The following SEZ6L variants were observed in gnomAD, a reference collection of about 807,000 sequenced individuals.
SEZ6L encodes seizure related 6 homolog like, also known as seizure 6-like protein.
A neutral mutation model predicts 106.2 loss-of-function variants in SEZ6L; 37 were observed. The observed-to-expected ratio is 0.35, with a 90% confidence interval of 0.27 to 0.46. SEZ6L has a LOEUF of 0.46. SEZ6L is among the 20% of genes least tolerant of loss of function. The pLI, the probability that SEZ6L is intolerant of heterozygous loss-of-function variation, is 1.00. For missense variants in SEZ6L, 1,172 were observed against 1,332.8 expected, an observed-to-expected ratio of 0.88 and a Z score of 1.88; for synonymous variants, 541 against 570.4, an observed-to-expected ratio of 0.95 and a Z score of 0.73.
intron 1 of SEZ6L, among the ~76,000 whole-genome samples, chr22:26,210,267 A>G (rs2145700415): frequency 6.6e-6 from 1 of 152,280 alleles, no homozygotes; most frequent in South Asian, 2.1e-4. Context: ...CAAAGCAACA[A>G]TAAAAGCAAA....
At position 26,313,759 on chromosome 22, in the gene SEZ6L, T is replaced by C; in HGVS notation, c.1877-5T>C. ...TCCGTCTTCTTGCCTGTCTGTCTTT[T>C]ACAGCCATGTGTGGTGGGGAGCTCT... On this transcript the variant is annotated splice_polypyrimidine_tract_variant and splice_region_variant and intron_variant, in intron 8 of 16. Transcript: ENST00000248933. 2 of 1,602,116 alleles carry C rather than the reference T, an allele frequency of 1.2e-6. No homozygotes were observed. Among genetic ancestry groups the C allele is most frequent in the Non-Finnish European group, 1.7e-6 (2 of 1,169,796 alleles).
intron 1 of SEZ6L, among the ~76,000 whole-genome samples, chr22:26,191,545 T>C (rs1173864587): frequency 2.5e-5 from 3 of 121,856 alleles, no homozygotes; most frequent in Admixed American, 2.2e-4. Context: ...TGAGAACACA[T>C]GGACACATGG....
At chr22:26,294,265 T>G (rs1419399266) in intron 2 of SEZ6L, 27 bp from the exon 3 acceptor site, 2 of 1,612,224 alleles carry the variant, frequency 1.2e-6, no homozygotes, top group African/African-American at 2.7e-5. Flanking sequence ...TTGTCTTTGG[T>G]GTCCTAATTA....
At chr22:26,355,743 C>CAGAAAAGAAAAGAAAAGAAA (rs150501916) in intron 12 of SEZ6L, among the ~76,000 whole-genome samples, 9 of 151,930 alleles carry the variant, frequency 5.9e-5, no homozygotes, top group African/African-American at 2.2e-4. Flanking sequence ...AACATAGAAA[C>CAGAAAAGAAAAGAAAAGAAA]AGAAAAGAAA....
intron 1 of SEZ6L, among the ~76,000 whole-genome samples, chr22:26,252,538 C>T (rs1269172694): frequency 6.6e-6 from 1 of 152,142 alleles, no homozygotes; most frequent in Non-Finnish European, 1.5e-5. Flanking sequence ...GAGCATATTA[C>T]CCAATCTTTA....
At chr22:26,193,062 C>T (rs953837070) in intron 1 of SEZ6L, among the ~76,000 whole-genome samples, 2 of 152,150 alleles carry the variant, frequency 1.3e-5, no homozygotes, top group Non-Finnish European at 2.9e-5. Flanking sequence ...AATGTGAAAT[C>T]GCAGATTTAT....
intron 12 of SEZ6L, among the ~76,000 whole-genome samples, chr22:26,363,899 G>C (rs1601620359): frequency 1.3e-5 from 2 of 152,334 alleles, no homozygotes; most frequent in East Asian, 3.9e-4. Context: ...CTAAGAGAAA[G>C]AAGCCAGTCA....
At chr22:26,290,160 A>C (rs1432576246) in intron 1 of SEZ6L, among the ~76,000 whole-genome samples, 1 of 152,212 alleles carries the variant, frequency 6.6e-6, no homozygotes, top group Non-Finnish European at 1.5e-5. Context: ...AATTGGCAGA[A>C]CTGGGTCTTT....
intron 13 of SEZ6L, 116 bp from the exon 14 acceptor site, chr22:26,373,335 C>A: frequency 3.6e-6 from 3 of 831,738 alleles, no homozygotes; most frequent in South Asian, 1.6e-5. Context: ...TAAAAACATA[C>A]CACTAACTTC....
At chr22:26,324,011 G>A (rs1174768696) in intron 9 of SEZ6L, among the ~76,000 whole-genome samples, 1 of 151,660 alleles carries the variant, frequency 6.6e-6, no homozygotes, top group Non-Finnish European at 1.5e-5. Flanking sequence ...CAATTAGGAT[G>A]TGGCCAAGTC....
intron 1 of SEZ6L, among the ~76,000 whole-genome samples, chr22:26,211,586 A>G (rs1205994317): frequency 6.6e-6 from 1 of 152,114 alleles, no homozygotes; most frequent in Non-Finnish European, 1.5e-5. Flanking sequence ...TTTTTCCATC[A>G]GGAGCCAATA....
chr22:26,282,604 T>G (rs1191750124), intron 1 of SEZ6L, among the ~76,000 whole-genome samples: 1 of 152,046 alleles, frequency 6.6e-6, no homozygotes, highest in Non-Finnish European at 1.5e-5. Flanking sequence ...GTGAGGCAGG[T>G]GAAAGGTTGG....
chr22:26,332,593 T>G (rs2082521351), intron 9 of SEZ6L, among the ~76,000 whole-genome samples: 1 of 152,064 alleles, frequency 6.6e-6, no homozygotes, highest in Admixed American at 6.5e-5. Context: ...ACCACAGGCA[T>G]GTGCCACCGT....
intron 1 of SEZ6L, among the ~76,000 whole-genome samples, chr22:26,283,045 T>C (rs1482111077): frequency 6.6e-6 from 1 of 152,074 alleles, no homozygotes; most frequent in African/African-American, 2.4e-5. Flanking sequence ...CTCAGCCTCC[T>C]GAGTAGCTGG....
chr22:26,313,585 C>G (rs868418303), intron 8 of SEZ6L, among the ~76,000 whole-genome samples, 179 bp from the exon 9 acceptor site: 1,380 of 82,816 alleles, frequency 0.017, 14 homozygotes, highest in African/African-American at 0.067. Context: ...CACACACACA[C>G]ACACACACAC....
chr22:26,335,370 T>C (rs1431764571), intron 9 of SEZ6L, among the ~76,000 whole-genome samples: 1 of 152,232 alleles, frequency 6.6e-6, no homozygotes, highest in Non-Finnish European at 1.5e-5. Context: ...GAAAATCTTA[T>C]AACCCTAAGT....
At chr22:26,283,714 A>G (rs5997063) in intron 1 of SEZ6L, among the ~76,000 whole-genome samples, 20,042 of 152,250 alleles carry the variant, frequency 0.13, 1,387 homozygotes, top group Middle Eastern at 0.2. Context: ...AAATAATAGC[A>G]GTAAAATAAG....
chr22:26,336,432 A>G (rs650293), intron 9 of SEZ6L, among the ~76,000 whole-genome samples: 126,136 of 152,144 alleles, frequency 0.83, 52,466 homozygotes, highest in Admixed American at 0.86. Flanking sequence ...AGTGCTGCCT[A>G]GGATGGCCTC....
At chr22:26,285,065 G>A (rs1024420132) in intron 1 of SEZ6L, among the ~76,000 whole-genome samples, 16 of 152,182 alleles carry the variant, frequency 1.1e-4, no homozygotes, top group African/African-American at 3.9e-4. Flanking sequence ...GCAGAGGGTT[G>A]CAACTGACTG....
Sources: allele counts gnomAD v4.1 joint callset (sites outside exome capture counted in the v4.1 genomes callset), GRCh38; gene constraint gnomAD v4.1.1; transcripts MANE v1.5; gene names NCBI Gene and HGNC (gene_info 2026-07-23, HGNC 2026-07-21).